ATP2A2: variants seen among roughly 807,000 people sequenced by gnomAD.
ATP2A2 encodes ATPase sarcoplasmic/endoplasmic reticulum Ca2+ transporting 2, also known as sarcoplasmic/endoplasmic reticulum calcium ATPase 2.
Under a neutral mutation model 109.3 loss-of-function variants are expected in ATP2A2, and 14 were observed. The ratio of observed to expected loss-of-function variants is 0.13; its 90% CI spans 0.08 to 0.20. The LOEUF (loss-of-function observed/expected upper bound fraction) is 0.20. Ranked by LOEUF, ATP2A2 falls within the 10% of genes least tolerant of loss-of-function variation. The pLI is 1.00. For missense variants in ATP2A2, 657 were observed against 1,321.6 expected, an observed-to-expected ratio of 0.50 and a Z score of 7.80; for synonymous variants, 506 against 490.9, an observed-to-expected ratio of 1.03 and a Z score of -0.41.
chr12:110,291,560 T>C (rs1215267190), intron 3 of ATP2A2, among the ~76,000 whole-genome samples: 9 of 152,136 alleles, frequency 5.9e-5, no homozygotes, highest in Non-Finnish European at 7.4e-5. Context: ...GCCAGTTGTT[T>C]ATATAATTGC....
chr12:110,338,922 G>A (rs535541196), intron 11 of ATP2A2, among the ~76,000 whole-genome samples: 7 of 152,164 alleles, frequency 4.6e-5, no homozygotes, highest in East Asian at 3.9e-4. Context: ...TTGCACTTCC[G>A]TTCTCTGCCT....
At position 110,323,032 on chromosome 12, in the gene ATP2A2, C is replaced by A; in HGVS notation, c.504C>A (p.Ile168=). 6.2e-7 allele frequency: 1 copy of A among 1,613,322 alleles called. No homozygotes were observed. Among genetic ancestry groups the A allele is most frequent in the Non-Finnish European group, 8.5e-7 (1 of 1,179,290 alleles). Residue 168 remains isoleucine, a synonymous_variant, in exon 6 of 20, where the codon ATC becomes ATA. Coordinates refer to ENST00000539276, the MANE Select transcript of ATP2A2 (RefSeq NM_170665.4). The part of the protein sequence containing the change: ...KVPADIRLTS[I]KSTTLRVDQS... The stretch of plus-strand genomic sequence containing the variant: ...CTGCTGATATAAGGTTAACTTCCAT[C>A]AAATCTACCACACTAAGAGTTGACC...
chr12:110,282,146 T>C (rs941685381), intron 1 of ATP2A2, among the ~76,000 whole-genome samples: 75 of 152,166 alleles, frequency 4.9e-4, no homozygotes, highest in East Asian at 1.9e-4. Flanking sequence ...CTCGGAGGCT[T>C]CTCTCCAGCA....
rs1008034564 is a variant in ATP2A2 at position 110,349,311 on chromosome 12, CCTG to C, written c.*2845_*2847del. The C allele has an allele frequency of 4.1e-6, 4 of 985,198 alleles. No individual in the cohort carries two copies. The highest frequency in any genetic ancestry group is 3.6e-6 in the Non-Finnish European group (3 of 830,010). The allele number at this position is 985,198 out of a possible 1,614,324, so 61.0% of individuals were successfully genotyped here. On this transcript the variant is annotated 3_prime_UTR_variant, in exon 20 of 20. Transcript: ENST00000539276. The stretch of plus-strand genomic sequence containing the variant: ...AGCAGCTGCCCAGCCCCGCAATGTG[CCTG>C]CTGTCAGGCAGCTCTTGCCTGAAAC...
At chr12:110,292,515 C>G (rs896708471) in intron 4 of ATP2A2, among the ~76,000 whole-genome samples, 14 of 151,946 alleles carry the variant, frequency 9.2e-5, no homozygotes, top group African/African-American at 3.4e-4. Context: ...GTGATCCGCC[C>G]TCCTCAGCCT....
chr12:110,287,479 G>A (rs1192519223), intron 3 of ATP2A2, among the ~76,000 whole-genome samples: 1 of 152,166 alleles, frequency 6.6e-6, no homozygotes, highest in Non-Finnish European at 1.5e-5. Context: ...GTTTGATAAT[G>A]TATGTCCCAG....
rs781044900 is a variant in ATP2A2, at chr12:110,339,326, C to T, written c.1465C>T (p.Arg489Cys). Residue 489 changes from arginine (R) to cysteine (C), a missense_variant, in exon 12 of 20, where the codon CGT becomes TGT. Arg to Cys is a radical substitution (Grantham distance 180, BLOSUM62 -3). Coordinates refer to ENST00000539276, the MANE Select transcript of ATP2A2 (RefSeq NM_170665.4). The surrounding 1 kb of genome is among the most constrained non-coding windows in gnomAD (Gnocchi z 4.4). ...MKKEFTLEFSRDRKSMSVYCT... is the reference protein window; with the variant it reads ...MKKEFTLEFSCDRKSMSVYCT... ...AAAGGAATTCACTCTAGAGTTTTCA[C>T]GTGACAGAAAGTCAATGTCGGTTTA... 1.9e-6 allele frequency: 3 copies of T among 1,613,952 alleles called. No homozygotes were observed. Among genetic ancestry groups the T allele is most frequent in the African/African-American group, 1.3e-5 (1 of 74,872 alleles).
chr12:110,339,183 T>G lies in ATP2A2; in HGVS notation c.1420-98T>G, dbSNP rs559570934. 6.6e-7 allele frequency: 1 copy of G among 1,510,206 alleles called. No homozygotes were observed. The highest frequency in any genetic ancestry group is 1.4e-5 in the African/African-American group (1 of 72,726). The allele number at this position is 1,510,206 out of a possible 1,614,324, so 93.6% of individuals were successfully genotyped here. A position where few individuals can be genotyped will look rare whatever the true frequency, so the allele number is the denominator to read the frequency against. On this transcript the variant is annotated intron_variant, in intron 11 of 19. Transcript: ENST00000539276. This position sits in a 1 kb window ranked among gnomAD's most constrained non-coding sequence, Gnocchi z 4.4. The stretch of plus-strand genomic sequence containing the variant: ...CTGTCTGTTTTGTTTATTGCTATAT[T>G]CCTAGCATCTGTCATGTAATAGGTG...
intron 5 of ATP2A2, among the ~76,000 whole-genome samples, chr12:110,310,605 A>ATAC (rs1875924394): frequency 6.6e-6 from 1 of 152,210 alleles, no homozygotes; most frequent in Non-Finnish European, 1.5e-5. Context: ...CTTGTAGTAT[A>ATAC]TACTCTGGAG....
rs1338847084 is a variant in ATP2A2, at chr12:110,301,730, A to G, written c.463+4993A>G. Among the ~76,000 whole-genome samples the G allele has an allele frequency of 2.1e-4, 32 of 152,194 alleles. 1 individual carries two copies. Among genetic ancestry groups the G allele is most frequent in the Admixed American group, 2.1e-3 (32 of 15,282 alleles). On this transcript the variant is annotated intron_variant, in intron 5 of 19. Transcript: ENST00000539276. ...AACCCTTAAGGGACTTCCCCATTGC[A>G]CTTAAAATACAAAATTCTCTGACCT...
chr12:110,309,882 G>C (rs564877963), intron 5 of ATP2A2, among the ~76,000 whole-genome samples: 15 of 150,412 alleles, frequency 1.0e-4, no homozygotes, highest in African/African-American at 3.7e-4. Flanking sequence ...GCACTCCAGC[G>C]TGGGCAACAG....
chr12:110,326,602 C>T (rs186953992), intron 7 of ATP2A2, 127 bp downstream of exon 7: 2 of 987,826 alleles, frequency 2.0e-6, no homozygotes, highest in African/African-American at 3.2e-5. Context: ...CATGGTCAGT[C>T]TTAGGTGTCA....
At chr12:110,324,169 CAT>C (rs1238714269) in intron 6 of ATP2A2, among the ~76,000 whole-genome samples, 1 of 152,136 alleles carries the variant, frequency 6.6e-6, no homozygotes, top group Admixed American at 6.5e-5. Flanking sequence ...AAATAGTAAA[CAT>C]AAAGTCTAAA....
chr12:110,333,196 AC>A lies in ATP2A2; in HGVS notation c.1202del (p.Pro401GlnfsTer2). 6.2e-7 allele frequency: 1 copy of A among 1,613,848 alleles called. No homozygotes were observed. Among genetic ancestry groups the A allele is most frequent in the Non-Finnish European group, 8.5e-7 (1 of 1,179,756 alleles). ...PIGEVHKDDKPVNCHQYDGLV... is the reference protein window; with the variant it reads ...PIGEVHKDDKXVNCHQYDGLV... ...CTTTGGGCAGGCATAAAGATGATAA[AC>A]CAGTGAATTGTCACCAGTATGATGG... On this transcript the variant is annotated frameshift_variant, in exon 10 of 20. Coordinates refer to ENST00000539276, the MANE Select transcript of ATP2A2 (RefSeq NM_170665.4). LOFTEE classifies it high-confidence loss of function.
Position 110,347,166 on chromosome 12 carries a change from C to T in ATP2A2, c.*696C>T, listed in dbSNP as rs1037449664. The T allele has an allele frequency of 1.8e-5, 21 of 1,185,920 alleles. 1 individual carries two copies. The highest frequency in any genetic ancestry group is 1.4e-4 in the African/African-American group (9 of 62,550). The allele number at this position is 1,185,920 out of a possible 1,614,324, so 73.5% of individuals were successfully genotyped here. On this transcript the variant is annotated 3_prime_UTR_variant, in exon 20 of 20. Coordinates refer to ENST00000539276, the MANE Select transcript of ATP2A2 (RefSeq NM_170665.4). ...CAGAAAACATTGTTCCAGATTCAAT[C>T]GACTGGGTTTATGTCCCTTCACATA...
At position 110,342,531 on chromosome 12, in the gene ATP2A2, G is replaced by T. The variant is rs3026480; in HGVS notation, c.2318+83G>T. 4.3e-4 allele frequency: 633 copies of T among 1,461,076 alleles called. 3 individuals carry two copies. The African/African-American group carries it at 7.7e-3, about 18-fold the overall frequency. The allele number at this position is 1,461,076 out of a possible 1,614,324, so 90.5% of individuals were successfully genotyped here. A position where few individuals can be genotyped will look rare whatever the true frequency, so the allele number is the denominator to read the frequency against. On this transcript the variant is annotated intron_variant, in intron 15 of 19. Coordinates refer to ENST00000539276, the MANE Select transcript of ATP2A2 (RefSeq NM_170665.4). This position sits in a 1 kb window ranked among gnomAD's most constrained non-coding sequence, Gnocchi z 4.6. ...CCCAGTTCTCGCAGTTTGCTCTCCAGATTGCAGCAGCTTTGGTCTTTGTGC... is the reference window on the plus strand; with the variant it reads ...CCCAGTTCTCGCAGTTTGCTCTCCATATTGCAGCAGCTTTGGTCTTTGTGC...
chr12:110,341,177 C>G (rs1879318121), intron 14 of ATP2A2, among the ~76,000 whole-genome samples, 183 bp downstream of exon 14: 1 of 152,072 alleles, frequency 6.6e-6, no homozygotes, highest in African/African-American at 2.4e-5. Context: ...AGGGAAGATC[C>G]TAGAGTCGTT....
intron 5 of ATP2A2, among the ~76,000 whole-genome samples, chr12:110,307,447 A>G (rs957668157): frequency 2.6e-5 from 4 of 151,412 alleles, no homozygotes; most frequent in African/African-American, 9.7e-5. Context: ...TGCCCTGGCT[A>G]GTAGTTGAAT....
chr12:110,344,177 A>G (rs950131815), intron 16 of ATP2A2, among the ~76,000 whole-genome samples: 5 of 152,040 alleles, frequency 3.3e-5, no homozygotes, highest in African/African-American at 9.7e-5. Flanking sequence ...GTAGTGCCTC[A>G]TCCTTGCAGC....
Sources: gnomAD v4.1 joint callset for allele counts (sites outside exome capture counted in the v4.1 genomes callset) on GRCh38, gnomAD v4.1.1 for gene constraint, Gnocchi (gnomAD v3.1) non-coding constraint, MANE v1.5 for transcripts, NCBI Gene and HGNC (gene_info 2026-07-23, HGNC 2026-07-21) for gene names.